The following GPC6 variants were observed in gnomAD, a reference collection of about 807,000 sequenced individuals.
GPC6 encodes the protein glypican 6, also known as glypican-6.
GPC6 carries 14 observed loss-of-function variants against 55.2 expected under a neutral mutation model. The ratio of observed to expected loss-of-function variants is 0.25; its 90% CI spans 0.17 to 0.40. GPC6 has a LOEUF of 0.40. Ranked by LOEUF, GPC6 falls within the 10% of genes least tolerant of loss-of-function variation. The probability of loss-of-function intolerance (pLI) is 1.00; values close to 1 mark genes in which losing one functional copy is unlikely to be tolerated. For synonymous variants in GPC6, 278 were observed against 259.6 expected (o/e 1.07, Z -0.68); for missense variants, 641 against 708.5 (o/e 0.90, Z 1.08).
At chr13:94,233,283 A>G (rs1047085477) in intron 4 of GPC6, among the ~76,000 whole-genome samples, 6 of 152,152 alleles carry the variant, frequency 3.9e-5, no homozygotes, top group African/African-American at 1.4e-4. Context: ...AACAACAATA[A>G]CAACAAAAAA....
chr13:93,231,378 TAC>T (rs56963430), intron 1 of GPC6, among the ~76,000 whole-genome samples: 834 of 19,812 alleles, frequency 0.042, 40 homozygotes, highest in East Asian at 0.26. Flanking sequence ...TATATATATA[TAC>T]ATATATATAT....
intron 2 of GPC6, among the ~76,000 whole-genome samples, chr13:93,668,669 C>T (rs899096285): frequency 6.6e-6 from 1 of 152,124 alleles, no homozygotes; most frequent in Non-Finnish European, 1.5e-5. Flanking sequence ...GGCCAAGCAA[C>T]CCCTGGAGCC....
chr13:94,312,735 C>CACACAT (rs1555318672), intron 6 of GPC6, among the ~76,000 whole-genome samples: 9 of 140,562 alleles, frequency 6.4e-5, no homozygotes, highest in African/African-American at 2.7e-4. Context: ...CACACACACA[C>CACACAT]ACACACATGC....
At chr13:94,224,540 A>G in intron 4 of GPC6, among the ~76,000 whole-genome samples, 1 of 151,956 alleles carries the variant, frequency 6.6e-6, no homozygotes, top group East Asian at 1.9e-4. Context: ...AAACAAAAAG[A>G]AGTCAGAAAG....
chr13:94,402,053 C>T (rs749108693), intron 8 of GPC6, among the ~76,000 whole-genome samples: 2 of 152,114 alleles, frequency 1.3e-5, no homozygotes, highest in Non-Finnish European at 2.9e-5. Context: ...CAAAAGCAAG[C>T]AGCAGGTCAT....
At position 94,052,044 on chromosome 13, in the gene GPC6, T is replaced by C. The variant is rs545995677; in HGVS notation, c.877+24150T>C. On this transcript the variant is annotated intron_variant, in intron 4 of 8. Transcript: ENST00000377047. ...AAAAACATAAAAAAGACATGGCCTC[T>C]GTTACACAGAGTTCCCAGTCTGGTG... 2.9e-3 allele frequency among the ~76,000 whole-genome samples: 445 copies of C among 152,294 alleles called. 2 individuals are homozygous for C. Among genetic ancestry groups the C allele is most frequent in the Non-Finnish European group, 5.2e-3 (354 of 68,030 alleles).
chr13:94,393,709 G>C (rs1286749489), intron 7 of GPC6, among the ~76,000 whole-genome samples: 1 of 151,976 alleles, frequency 6.6e-6, no homozygotes, highest in African/African-American at 2.4e-5. Flanking sequence ...CCCCCACCAA[G>C]CACCACCAGG....
At chr13:94,006,065 A>G (rs545387801) in intron 3 of GPC6, among the ~76,000 whole-genome samples, 1 of 152,322 alleles carries the variant, frequency 6.6e-6, no homozygotes, top group South Asian at 2.1e-4. Context: ...GTAAATGAAC[A>G]TGACAGATAG....
At chr13:93,761,556 G>T (rs890439579) in intron 2 of GPC6, among the ~76,000 whole-genome samples, 1 of 151,944 alleles carries the variant, frequency 6.6e-6, no homozygotes, top group Non-Finnish European at 1.5e-5. Flanking sequence ...TTGCTCTGGT[G>T]CCCAGGCTGC....
intron 4 of GPC6, among the ~76,000 whole-genome samples, chr13:94,134,066 A>G (rs536290244): frequency 6.6e-6 from 1 of 152,340 alleles, no homozygotes; most frequent in African/African-American, 2.4e-5. Flanking sequence ...AAAGCTCAAC[A>G]CACCCTACAA....
At chr13:93,270,388 T>A (rs1193410383) in intron 1 of GPC6, among the ~76,000 whole-genome samples, 1 of 152,060 alleles carries the variant, frequency 6.6e-6, no homozygotes, top group African/African-American at 2.4e-5. Flanking sequence ...TAATTACATA[T>A]GTATATCTTT....
intron 1 of GPC6, among the ~76,000 whole-genome samples, chr13:93,255,054 C>T (rs1876908320): frequency 6.6e-6 from 1 of 152,194 alleles, no homozygotes; most frequent in African/African-American, 2.4e-5. Flanking sequence ...TTCTGTGCTG[C>T]AGTGGGCAGC....
intron 6 of GPC6, among the ~76,000 whole-genome samples, chr13:94,368,648 T>C (rs2139189559): frequency 6.9e-6 from 1 of 144,938 alleles, no homozygotes; most frequent in South Asian, 2.1e-4. Context: ...TATTTGGCCA[T>C]GTCAGAAAAA....
intron 1 of GPC6, among the ~76,000 whole-genome samples, chr13:93,425,613 G>C (rs184714897): frequency 2.4e-4 from 37 of 152,320 alleles, no homozygotes; most frequent in African/African-American, 8.7e-4. Context: ...AGTCGAAATA[G>C]TGTAAGGATC....
Position 93,924,289 on chromosome 13 carries a change from A to T in GPC6, c.711+93744A>T, listed in dbSNP as rs555791879. ...GGCTGCTGGTGCCAAAAAGAGTGGT[A>T]TGTGCCTGGTGGCCCCTCTGTCACA... is the stretch of plus-strand genomic sequence containing the variant. On this transcript the variant is annotated intron_variant, in intron 3 of 8. Coordinates refer to ENST00000377047, the MANE Select transcript of GPC6 (RefSeq NM_005708.5). 1.1e-4 allele frequency among the ~76,000 whole-genome samples: 16 copies of T among 152,356 alleles called. No individual in the cohort carries two copies. The East Asian group carries it at 2.1e-3, about 20-fold the overall frequency.
chr13:93,605,842 T>TAAAA (rs1193693750), intron 2 of GPC6, among the ~76,000 whole-genome samples: 45 of 65,086 alleles, frequency 6.9e-4, no homozygotes, highest in Middle Eastern at 0.011. Flanking sequence ...ACCGTCTCAA[T>TAAAA]AAAAAAAAAA....
chr13:93,698,485 C>CTTTTTTTT (rs57058820), intron 2 of GPC6, among the ~76,000 whole-genome samples: 25 of 32,438 alleles, frequency 7.7e-4, no homozygotes, highest in East Asian at 1.5e-3. Flanking sequence ...CTGTGTGGGT[C>CTTTTTTTT]TTTTTTTTTT....
intron 3 of GPC6, among the ~76,000 whole-genome samples, chr13:93,910,061 T>TTG (rs113288409): frequency 0.016 from 2,447 of 150,128 alleles, 59 homozygotes; most frequent in African/African-American, 0.053. Flanking sequence ...GCTCGTGTGT[T>TTG]TGTGTGTGTG....
chr13:93,775,945 CT>C (rs1885451143), intron 2 of GPC6, among the ~76,000 whole-genome samples: 1 of 152,080 alleles, frequency 6.6e-6, no homozygotes, highest in Non-Finnish European at 1.5e-5. Flanking sequence ...AAATGATTGG[CT>C]TTTTAAAAAT....
Sources: allele counts gnomAD v4.1 joint callset (sites outside exome capture counted in the v4.1 genomes callset), GRCh38; gene constraint gnomAD v4.1.1; transcripts MANE v1.5; gene names NCBI Gene and HGNC (gene_info 2026-07-23, HGNC 2026-07-21).